RELB: variants seen among roughly 807,000 people sequenced by gnomAD.
RELB encodes RELB proto-oncogene, NF-kB subunit, also known as transcription factor RelB.
A neutral mutation model predicts 55.4 loss-of-function variants in RELB; 14 were observed. That is an observed-to-expected ratio of 0.25 (90% CI 0.17 to 0.40). RELB has a LOEUF of 0.40. RELB is among the 10% of genes least tolerant of loss of function. The pLI is 1.00. For missense variants in RELB, 669 were observed against 830.7 expected (o/e 0.81, Z 2.39); for synonymous variants, 409 against 371.3 (o/e 1.10, Z -1.17).
chr19:45,036,927 C>A (rs188904579), intron 11 of RELB, among the ~76,000 whole-genome samples: 8 of 151,332 alleles, frequency 5.3e-5, no homozygotes, highest in African/African-American at 1.9e-4. Context: ...GCTTGGCCTT[C>A]AATTTACTTA....
intron 4 of RELB, among the ~76,000 whole-genome samples, chr19:45,012,916 G>C (rs901120136): frequency 8.6e-5 from 13 of 151,760 alleles, no homozygotes; most frequent in African/African-American, 2.9e-4. Context: ...AGGTGTGGTG[G>C]CACATGGCTG....
At chr19:45,030,675 G>A (rs1568404258) in intron 8 of RELB, among the ~76,000 whole-genome samples, 1 of 151,802 alleles carries the variant, frequency 6.6e-6, no homozygotes, top group Non-Finnish European at 1.5e-5. Context: ...GCATGTGCCT[G>A]TAGTCCCAGC....
At chr19:45,022,240 T>C (rs1971499031) in intron 5 of RELB, 30 bp downstream of exon 5, 1 of 1,556,452 alleles carries the variant, frequency 6.4e-7, no homozygotes, top group Admixed American at 1.8e-5. Flanking sequence ...CGACCTCTCA[T>C]CCTTGATCAT....
intron 3 of RELB, among the ~76,000 whole-genome samples, 174 bp from the exon 4 acceptor site, chr19:45,011,762 G>C (rs1209597526): frequency 7.8e-5 from 2 of 25,794 alleles, no homozygotes; most frequent in Non-Finnish European, 2.1e-4. Context: ...GACTCTGTGT[G>C]TGTGTGTGTG....
intron 8 of RELB, among the ~76,000 whole-genome samples, chr19:45,030,800 A>G (rs1369528373): frequency 6.6e-6 from 1 of 152,214 alleles, no homozygotes; most frequent in Non-Finnish European, 1.5e-5. Context: ...CTGTCTCAAA[A>G]TAGAATAAAG....
rs556023428 is a variant in RELB at position 45,037,739 on chromosome 19, C to T, written c.1689C>T (p.Arg563=). The T allele has an allele frequency of 1.6e-5, 24 of 1,492,928 alleles. No homozygotes were observed. In the Middle Eastern group the frequency reaches 7.4e-4, roughly 46 times the overall value. The allele number at this position is 1,492,928 out of a possible 1,614,324, so 92.5% of individuals were successfully genotyped here. ...VGSNMFPNHY[R]EAAFGGGLLS... is the part of the protein sequence containing the mutation. ...GCAACATGTTCCCCAATCATTACCG[C>T]GAGGCGGCCTTTGGGGGCGGCCTCC... is the stretch of plus-strand genomic sequence containing the variant. The change falls in exon 12 of 12, where the codon CGC becomes CGT. Residue 563 remains arginine, a synonymous_variant. Transcript: ENST00000221452.
intron 1 of RELB, 89 bp downstream of exon 1, chr19:45,001,774 T>A: frequency 1.3e-6 from 1 of 797,892 alleles, no homozygotes; most frequent in Non-Finnish European, 1.9e-6. Flanking sequence ...TGGGGGTTCC[T>A]ATGGGAGTCT....
intron 9 of RELB, among the ~76,000 whole-genome samples, chr19:45,033,800 C>T (rs969419197): frequency 2.0e-5 from 3 of 151,314 alleles, no homozygotes; most frequent in African/African-American, 7.3e-5. Context: ...ACTTCAGCCT[C>T]CCAAAGTGCT....
In RELB at chr19:45,012,048, G is replaced by T. The variant is rs749656851; in HGVS notation, c.276G>T (p.Thr92=). The change falls in exon 4 of 12, where the codon ACG becomes ACT. Residue 92 remains threonine, a synonymous_variant. Coordinates refer to ENST00000221452, the MANE Select transcript of RELB (RefSeq NM_006509.4). Reference sequence around the variant, plus strand: ...CTCGCGGGGCTGCGTCCCTGAGCACGGTCACCCTGGGCCCTGTGGCGCCCC... The same window carrying T: ...CTCGCGGGGCTGCGTCCCTGAGCACTGTCACCCTGGGCCCTGTGGCGCCCC... The part of the protein sequence containing the change: ...LVSRGAASLS[T]VTLGPVAPPA... 2.4e-5 allele frequency: 38 copies of T among 1,566,410 alleles called. No homozygotes were observed. The East Asian group carries it at 7.3e-4, about 30-fold the overall frequency.
chr19:45,028,827 C>T, intron 7 of RELB, 61 bp from the exon 8 acceptor site: 2 of 1,429,212 alleles, frequency 1.4e-6, no homozygotes, highest in Non-Finnish European at 1.9e-6. Flanking sequence ...CCCAGTAAGG[C>T]TTTGGTGACT....
At chr19:45,011,239 T>C (rs961497550) in intron 3 of RELB, among the ~76,000 whole-genome samples, 1 of 152,086 alleles carries the variant, frequency 6.6e-6, no homozygotes, top group African/African-American at 2.4e-5. Context: ...CTCGGCTCAC[T>C]GCAACCTCCG....
At chr19:45,032,487 G>A in intron 8 of RELB, 47 bp from the exon 9 acceptor site, 1 of 1,492,082 alleles carries the variant, frequency 6.7e-7, no homozygotes, top group Non-Finnish European at 9.2e-7. Flanking sequence ...TGGGAGCACA[G>A]TGGTCCAGAT....
chr19:45,027,179 G>A (rs1005564219), intron 7 of RELB, among the ~76,000 whole-genome samples: 6 of 149,156 alleles, frequency 4.0e-5, no homozygotes. Flanking sequence ...CTTGCAGTGA[G>A]CCGAGATCGC....
chr19:45,021,155 G>A (rs1971481299), intron 4 of RELB, among the ~76,000 whole-genome samples: 2 of 151,900 alleles, frequency 1.3e-5, no homozygotes, highest in Non-Finnish European at 2.9e-5. Flanking sequence ...TAGCTTAGGT[G>A]ATACAGCGAG....
intron 2 of RELB, among the ~76,000 whole-genome samples, chr19:45,008,241 G>T (rs1971307712): frequency 6.6e-6 from 1 of 152,012 alleles, no homozygotes; most frequent in African/African-American, 2.4e-5. Context: ...AACAAGGTAG[G>T]CATTATTATT....
chr19:45,021,936 C>T (rs559086798), intron 4 of RELB, 117 bp from the exon 5 acceptor site: 2 of 1,061,032 alleles, frequency 1.9e-6, no homozygotes, highest in Admixed American at 3.0e-5. Context: ...TGGGGAGCTC[C>T]CAACAGAGGA....
intron 4 of RELB, among the ~76,000 whole-genome samples, chr19:45,018,150 A>G (rs1033223037): frequency 6.6e-6 from 1 of 151,892 alleles, no homozygotes; most frequent in African/African-American, 2.4e-5. Context: ...CAGGCCTGTA[A>G]TCCCAGCACT....
chr19:45,017,082 C>G (rs983433332), intron 4 of RELB, among the ~76,000 whole-genome samples: 2 of 152,094 alleles, frequency 1.3e-5, no homozygotes, highest in African/African-American at 4.8e-5. Context: ...CCAGCCACCC[C>G]CCAAATCCCA....
Position 45,012,284 on chromosome 19 carries a change from C to G in RELB, c.504+8C>G, listed in dbSNP as rs954027600. On this transcript the variant is annotated splice_region_variant and intron_variant, in intron 4 of 11. Coordinates refer to ENST00000221452, the MANE Select transcript of RELB (RefSeq NM_006509.4). ...ACGCTGCCCGCCATCGAGGTGGGCC[C>G]GGCGAGCGGCCCCGGGCGGGTGGGA... 1.4e-6 allele frequency: 2 copies of G among 1,381,614 alleles called. No homozygotes were observed. Among genetic ancestry groups the G allele is most frequent in the African/African-American group, 1.5e-5 (1 of 66,048 alleles). The allele number at this position is 1,381,614 out of a possible 1,614,324, so 85.6% of individuals were successfully genotyped here.
Sources: allele counts gnomAD v4.1 joint callset (sites outside exome capture counted in the v4.1 genomes callset), GRCh38; gene constraint gnomAD v4.1.1; transcripts MANE v1.5; gene names NCBI Gene and HGNC (gene_info 2026-07-23, HGNC 2026-07-21).